The following GLI3 variants were observed in gnomAD, a reference collection of about 807,000 sequenced individuals.
GLI3 encodes the protein GLI family zinc finger 3.
Under a neutral mutation model 100.8 loss-of-function variants are expected in GLI3, and 20 were observed. That is an observed-to-expected ratio of 0.20 (90% CI 0.14 to 0.29). The LOEUF (loss-of-function observed/expected upper bound fraction) is 0.29, where lower values mean the gene tolerates loss of function less well. Ranked by LOEUF, GLI3 falls within the 10% of genes least tolerant of loss-of-function variation. The pLI, the probability that GLI3 is intolerant of heterozygous loss-of-function variation, is 1.00. For missense variants in GLI3, 2,040 were observed against 2,128.5 expected (o/e 0.96, Z 0.82); for synonymous variants, 938 against 860.5 (o/e 1.09, Z -1.58).
chr7:42,233,909 A>C (rs1788740540), intron 1 of GLI3, among the ~76,000 whole-genome samples: 1 of 152,172 alleles, frequency 6.6e-6, no homozygotes, highest in African/African-American at 2.4e-5. Flanking sequence ...TGTCCTATAA[A>C]GTCATTTCAG....
chr7:42,091,935 T>C (rs1305028251), intron 3 of GLI3, among the ~76,000 whole-genome samples: 1 of 152,198 alleles, frequency 6.6e-6, no homozygotes, highest in East Asian at 1.9e-4. Context: ...GTTCACTTCA[T>C]TAGAAAGGCA....
intron 2 of GLI3, among the ~76,000 whole-genome samples, chr7:42,152,763 A>C (rs1432619665): frequency 6.6e-6 from 1 of 152,252 alleles, no homozygotes. Flanking sequence ...AGACAAACTT[A>C]ACAAGAGTTG....
chr7:42,126,213 A>G (rs781699143), intron 3 of GLI3, among the ~76,000 whole-genome samples: 5 of 152,230 alleles, frequency 3.3e-5, no homozygotes, highest in Non-Finnish European at 5.9e-5. Context: ...TGTTTCTCTG[A>G]AAAGTTCTGA....
At chr7:42,173,174 C>T (rs1401863457) in intron 2 of GLI3, among the ~76,000 whole-genome samples, 5 of 152,220 alleles carry the variant, frequency 3.3e-5, no homozygotes, top group Admixed American at 3.3e-4. Context: ...TGGAGAGATG[C>T]AACCTCCACG....
chr7:42,164,685 C>T (rs1583613464), intron 2 of GLI3, among the ~76,000 whole-genome samples: 1 of 151,832 alleles, frequency 6.6e-6, no homozygotes, highest in East Asian at 2.0e-4. Flanking sequence ...AAACAATTAG[C>T]CGGGCGTGGT....
chr7:42,125,360 C>T (rs1786100006), intron 3 of GLI3, among the ~76,000 whole-genome samples: 1 of 152,310 alleles, frequency 6.6e-6, no homozygotes, highest in Admixed American at 6.5e-5. Context: ...TGAACAACAG[C>T]AGCAGACCAC....
At chr7:42,243,467 T>C in intron 1 of GLI3, among the ~76,000 whole-genome samples, 1 of 152,194 alleles carries the variant, frequency 6.6e-6, no homozygotes, top group Non-Finnish European at 1.5e-5. Flanking sequence ...ATCAGATGCA[T>C]ATAAAAGAGA....
chr7:42,243,977 G>A (rs1046799148), intron 1 of GLI3, among the ~76,000 whole-genome samples: 2 of 152,146 alleles, frequency 1.3e-5, no homozygotes, highest in Non-Finnish European at 2.9e-5. Context: ...GGGATTACAG[G>A]CACGTGCCAC....
At chr7:42,112,996 A>G (rs12536278) in intron 3 of GLI3, among the ~76,000 whole-genome samples, 34,552 of 152,010 alleles carry the variant, frequency 0.23, 4,641 homozygotes, top group Middle Eastern at 0.35. Context: ...AACATGGTGA[A>G]ACCCTGTCTC....
chr7:42,021,526 A>C (rs1788941420), intron 10 of GLI3, among the ~76,000 whole-genome samples: 2 of 152,350 alleles, frequency 1.3e-5, no homozygotes, highest in African/African-American at 4.8e-5. Context: ...ATCTTTTAAA[A>C]GCTTTCACAT....
chr7:42,241,951 G>T (rs554535377), upstream of GLI3, among the ~76,000 whole-genome samples: 1 of 152,080 alleles, frequency 6.6e-6, no homozygotes, highest in East Asian at 1.9e-4. Flanking sequence ...TCTGTATCCC[G>T]CTTTTTCTAA....
rs528259014 is a variant in GLI3, at chr7:42,028,490, G to A, written c.1029-2078C>T. Among the ~76,000 whole-genome samples the A allele has an allele frequency of 5.3e-5, 8 of 152,308 alleles. No homozygotes were observed. In the East Asian group the frequency reaches 9.7e-4, roughly 18 times the overall value. ...TTAAAAAAGATGTAGGAGGCCGGGC[G>A]CGGTGGCTCACGCCTGTAATCCCAG... On this transcript the variant is annotated intron_variant, in intron 7 of 14. Coordinates refer to ENST00000395925, the MANE Select transcript of GLI3 (RefSeq NM_000168.6).
At chr7:42,044,214 G>A (rs538678347) in intron 6 of GLI3, among the ~76,000 whole-genome samples, 5 of 152,312 alleles carry the variant, frequency 3.3e-5, no homozygotes, top group African/African-American at 7.2e-5. Flanking sequence ...ATTGTAAATG[G>A]AAAAGTGTAA....
chr7:42,203,176 G>A (rs139514868), intron 2 of GLI3, among the ~76,000 whole-genome samples: 5 of 152,310 alleles, frequency 3.3e-5, no homozygotes, highest in Admixed American at 1.3e-4. Flanking sequence ...CACACACATT[G>A]TGGAACAATT....
chr7:42,124,048 G>A (rs1014247034), intron 3 of GLI3, among the ~76,000 whole-genome samples: 4 of 151,868 alleles, frequency 2.6e-5, no homozygotes, highest in Admixed American at 1.3e-4. Context: ...CTCTCCCACC[G>A]CAGCTGCCTC....
rs1787025573 is a variant in GLI3 at position 41,962,036 on chromosome 7, G to A, written c.*2294C>T. 6.6e-6 allele frequency: 1 copy of A among 152,172 alleles called. No homozygotes were observed. The highest frequency in any genetic ancestry group is 2.4e-5 in the African/African-American group (1 of 41,424). The allele number at this position is 152,172 out of a possible 1,614,324, so 9.4% of individuals were successfully genotyped here. A position where few individuals can be genotyped will look rare whatever the true frequency, so the allele number is the denominator to read the frequency against. ...GAAAATAACCTGAAACCATAGGAAA[G>A]AGCAGAAGCACAAGACAACAACAGT... On this transcript the variant is annotated 3_prime_UTR_variant, in exon 15 of 15. Coordinates refer to ENST00000395925, the MANE Select transcript of GLI3 (RefSeq NM_000168.6).
chr7:41,966,008 G>A lies in GLI3; in HGVS notation c.3065C>T (p.Pro1022Leu), dbSNP rs780814828. 1.3e-6 allele frequency: 2 copies of A among 1,599,402 alleles called. No individual in the cohort carries two copies. The highest frequency in any genetic ancestry group is 1.7e-6 in the Non-Finnish European group (2 of 1,178,448). ...GSEGLALPRV[P>L]RFSSLSSCNP... ...GCAGCTGCTGAGGCTGCTGAAGCGCGGCACACGAGGCAGGGCCAGGCCCTC... is the reference window on the plus strand; with the variant it reads ...GCAGCTGCTGAGGCTGCTGAAGCGCAGCACACGAGGCAGGGCCAGGCCCTC... The change falls in exon 15 of 15, where the codon CCG becomes CTG. Residue 1022 changes from proline (P) to leucine (L), a missense_variant. Physicochemically the swap from Pro to Leu is moderately conservative, Grantham distance 98. This residue lies in a region of GLI3 where 1,041 missense variants were observed against 924.0 expected (regional missense o/e 1.13). Coordinates refer to ENST00000395925, the MANE Select transcript of GLI3 (RefSeq NM_000168.6). The surrounding 1 kb of genome is among the most constrained non-coding windows in gnomAD (Gnocchi z 5.8).
intron 3 of GLI3, among the ~76,000 whole-genome samples, chr7:42,122,665 TC>T (rs1786030539): frequency 6.6e-6 from 1 of 152,188 alleles, no homozygotes; most frequent in African/African-American, 2.4e-5. Flanking sequence ...CTGATTTTCC[TC>T]CAAGAAACCA....
intron 10 of GLI3, among the ~76,000 whole-genome samples, chr7:42,016,312 T>G (rs1420048776): frequency 6.6e-6 from 1 of 152,150 alleles, no homozygotes; most frequent in African/African-American, 2.4e-5. Context: ...CCAGTTCTTC[T>G]CTTGCAGTGT....
Sources: gnomAD v4.1 joint callset for allele counts (sites outside exome capture counted in the v4.1 genomes callset) on GRCh38, gnomAD v4.1.1 for gene constraint, gnomAD v4.1.1 regional missense constraint, Gnocchi (gnomAD v3.1) non-coding constraint, MANE v1.5 for transcripts, NCBI Gene and HGNC (gene_info 2026-07-23, HGNC 2026-07-21) for gene names.